Variants in EPX observed in about 807,000 individuals in gnomAD.
EPX encodes eosinophil peroxidase.
Under a neutral mutation model 73.0 loss-of-function variants are expected in EPX, and 60 were observed. The observed-to-expected ratio is 0.82, with a 90% confidence interval of 0.67 to 1.02. The LOEUF is 1.02. Ranked by LOEUF, EPX falls within the 50% of genes least tolerant of loss-of-function variation. The pLI is 0.00. For synonymous variants in EPX, 347 were observed against 389.2 expected (o/e 0.89, Z 1.28); for missense variants, 950 against 973.9 (o/e 0.98, Z 0.33).
At position 58,202,726 on chromosome 17, in the gene EPX, T is replaced by A; in HGVS notation, c.1709-355T>A. 1.6e-5 allele frequency: 5 copies of A among 310,300 alleles called. No homozygotes were observed. In the South Asian group the frequency reaches 1.7e-4, roughly 11 times the overall value. 19.2% of individuals were successfully genotyped at this position (310,300 alleles called of 1,614,324 possible). On this transcript the variant is annotated intron_variant, in intron 10 of 12. Transcript: ENST00000225371. ...TCACTCATTCATTCTACAAACCTGA[T>A]GGAGAGTCTTTTATATTCTGGGTAC...
intron 4 of EPX, 56 bp from the exon 5 acceptor site, chr17:58,193,907 T>C (rs1475110166): frequency 6.2e-7 from 1 of 1,611,406 alleles, no homozygotes; most frequent in Non-Finnish European, 8.5e-7. Context: ...TCTCCCTCCA[T>C]GCTGAGCCAT....
chr17:58,200,324 G>A lies in EPX; in HGVS notation c.1637G>A (p.Arg546Gln), dbSNP rs527248774. 15 of 1,614,164 alleles carry A rather than the reference G, an allele frequency of 9.3e-6. No individual in the cohort carries two copies. The highest frequency in any genetic ancestry group is 1.3e-5 in the African/African-American group (1 of 75,046). Residue 546 changes from arginine to glutamine, a missense_variant, in exon 10 of 13, where the codon CGG becomes CAG. Coordinates refer to ENST00000225371, the MANE Select transcript of EPX (RefSeq NM_000502.6). Reference protein sequence around the residue: ...LVDELRDRLFRQVRRIGLDLA... With the variant: ...LVDELRDRLFQQVRRIGLDLA... ...GATGAGCTCCGGGACCGGCTGTTTCGGCAAGTGAGGAGGATTGGGCTGGAC... is the reference window on the plus strand; with the variant it reads ...GATGAGCTCCGGGACCGGCTGTTTCAGCAAGTGAGGAGGATTGGGCTGGAC...
At chr17:58,197,663 A>G (rs1396022209) in intron 7 of EPX, among the ~76,000 whole-genome samples, 1 of 151,278 alleles carries the variant, frequency 6.6e-6, no homozygotes, top group Non-Finnish European at 1.5e-5. Context: ...CTCCATCTCC[A>G]TTTTTTTTCT....
At chr17:58,203,400 A>C (rs867772172) in intron 11 of EPX, 82 bp downstream of exon 11, 4 of 929,992 alleles carry the variant, frequency 4.3e-6, no homozygotes, top group African/African-American at 1.6e-5. Flanking sequence ...ACATTGAAGA[A>C]CACTGCTCTT....
chr17:58,202,610 A>C (rs1193266847), intron 10 of EPX: 1 of 249,660 alleles, frequency 4.0e-6, no homozygotes, highest in Admixed American at 5.0e-5. Context: ...CTCTCATATC[A>C]ACAGAATCAT....
chr17:58,195,220 G>A (rs763472367), intron 6 of EPX, 50 bp downstream of exon 6: 3 of 1,439,374 alleles, frequency 2.1e-6, no homozygotes, highest in African/African-American at 2.8e-5. Context: ...CTCCCCCAAA[G>A]GCAAGGTGCT....
intron 6 of EPX, 67 bp downstream of exon 6, chr17:58,195,237 G>T: frequency 7.7e-7 from 1 of 1,298,844 alleles, no homozygotes; most frequent in Non-Finnish European, 1.1e-6. Flanking sequence ...TGCTGGGGGT[G>T]GGGATCTGGA....
chr17:58,200,443 G>A (rs1968324773), intron 10 of EPX, 48 bp downstream of exon 10: 13 of 1,585,436 alleles, frequency 8.2e-6, no homozygotes, highest in Non-Finnish European at 1.1e-5. Flanking sequence ...GGGCCAGGCT[G>A]CTCAAGGGGT....
In EPX at chr17:58,193,420, T is replaced by A; in HGVS notation, c.220T>A (p.Ser74Thr). The A allele has an allele frequency of 6.2e-7, 1 of 1,614,182 alleles. No homozygotes were observed. The highest frequency in any genetic ancestry group is 8.5e-7 in the Non-Finnish European group (1 of 1,180,032). Residue 74 changes from serine to threonine, a missense_variant, in exon 3 of 13, where the codon TCC becomes ACC. By Grantham distance (58) the Ser-to-Thr change is moderately conservative (BLOSUM62 1). Transcript: ENST00000225371. ...TTCAGCCAGCCCCATGGACCTCCTGTCCTACTTCAAACAACCGGTAGCAGC... is the reference window on the plus strand; with the variant it reads ...TTCAGCCAGCCCCATGGACCTCCTGACCTACTTCAAACAACCGGTAGCAGC... ...SGSASPMDLLSYFKQPVAATR... is the reference protein window; with the variant it reads ...SGSASPMDLLTYFKQPVAATR...
intron 7 of EPX, 68 bp downstream of exon 7, chr17:58,197,325 A>G (rs2143710830): frequency 6.4e-7 from 1 of 1,572,488 alleles, no homozygotes; most frequent in East Asian, 2.2e-5. Flanking sequence ...CTGGGAAGCA[A>G]TGGTGGGATG....
intron 10 of EPX, among the ~76,000 whole-genome samples, chr17:58,201,950 A>G (rs529020528): frequency 6.6e-6 from 1 of 152,330 alleles, no homozygotes; most frequent in African/African-American, 2.4e-5. Context: ...TTATCCTGAC[A>G]CTAGCTCTTG....
At chr17:58,195,855 C>T (rs952997967) in intron 6 of EPX, among the ~76,000 whole-genome samples, 2 of 152,140 alleles carry the variant, frequency 1.3e-5, no homozygotes, top group African/African-American at 4.8e-5. Flanking sequence ...CAATCCCTGG[C>T]TTAGGGGCAC....
chr17:58,194,036 T>C lies in EPX; in HGVS notation c.538T>C (p.Ser180Pro). The change falls in exon 5 of 13, where the codon TCG becomes CCG. Residue 180 changes from serine to proline, a missense_variant. Transcript: ENST00000225371. ...WLPAEYEDGL[S>P]LPFGWTPSRR... ...GCCCGCCGAGTATGAGGATGGGCTG[T>C]CGCTCCCCTTCGGCTGGACCCCCAG... 1 of 1,613,438 alleles carries C rather than the reference T, an allele frequency of 6.2e-7. No individual in the cohort carries two copies. Among genetic ancestry groups the C allele is most frequent in the South Asian group, 1.1e-5 (1 of 91,086 alleles).
intron 5 of EPX, among the ~76,000 whole-genome samples, chr17:58,194,471 T>C (rs1317776035): frequency 2.6e-5 from 4 of 152,214 alleles, no homozygotes; most frequent in African/African-American, 9.7e-5. Flanking sequence ...TATCAACTCA[T>C]CAGTTTTCTA....
chr17:58,196,665 C>T (rs1451225983), intron 6 of EPX, among the ~76,000 whole-genome samples: 5 of 152,214 alleles, frequency 3.3e-5, no homozygotes, highest in Non-Finnish European at 7.3e-5. Flanking sequence ...AACTGGTTGT[C>T]ACTTCCCCTC....
intron 2 of EPX, 57 bp downstream of exon 2, chr17:58,193,188 C>T (rs1968202720): frequency 1.5e-6 from 2 of 1,361,696 alleles, no homozygotes; most frequent in African/African-American, 1.4e-5. Context: ...GGGCATGGGC[C>T]CCAGCCAAGT....
rs766223605 is a variant in EPX at position 58,196,977 on chromosome 17, C to T, written c.840C>T (p.Asp280=). The T allele has an allele frequency of 6.2e-7, 1 of 1,614,168 alleles. No homozygotes were observed. Among genetic ancestry groups the T allele is most frequent in the East Asian group, 2.2e-5 (1 of 44,882 alleles). The part of the protein sequence containing the change: ...PNDPRIKNQR[D]CIPFFRSAPS... ...ACCCCCGCATCAAGAACCAGCGTGA[C>T]TGCATCCCTTTCTTCCGCTCGGCAC... The change falls in exon 7 of 13, where the codon GAC becomes GAT. Residue 280 remains aspartate (D), a synonymous_variant. Coordinates refer to ENST00000225371, the MANE Select transcript of EPX (RefSeq NM_000502.6).
rs529613396 is a variant in EPX, at chr17:58,197,130, C to T, written c.993C>T (p.Tyr331=). ...LSLRLRNRTN[Y]LGLLAINQRF... ...TGCGGCTCCGCAACCGGACCAACTA[C>T]CTGGGGCTGCTGGCCATCAACCAGC... Residue 331 remains tyrosine, a synonymous_variant, in exon 7 of 13, where the codon TAC becomes TAT. Transcript: ENST00000225371. The T allele has an allele frequency of 1.2e-4, 190 of 1,614,214 alleles. 2 individuals carry two copies. In the South Asian group the frequency reaches 2.0e-3, roughly 17 times the overall value.
chr17:58,200,138 C>A, intron 9 of EPX, 87 bp from the exon 10 acceptor site: 1 of 1,320,008 alleles, frequency 7.6e-7, no homozygotes, highest in Non-Finnish European at 1.1e-6. Flanking sequence ...GCTTGTCCAG[C>A]TCTGGGCTAG....
Sources: gnomAD v4.1 joint callset for allele counts (sites outside exome capture counted in the v4.1 genomes callset) on GRCh38, gnomAD v4.1.1 for gene constraint, MANE v1.5 for transcripts, NCBI Gene and HGNC (gene_info 2026-07-23, HGNC 2026-07-21) for gene names.